Variants in INPP5F observed in about 807,000 individuals in gnomAD.
INPP5F encodes inositol polyphosphate-5-phosphatase F.
In INPP5F, 97 loss-of-function variants were observed where a neutral mutation model predicts 137.2. That is an observed-to-expected ratio of 0.71 (90% CI 0.60 to 0.84). INPP5F has a LOEUF of 0.84. INPP5F is among the 40% of genes least tolerant of loss of function. The pLI, the probability that INPP5F is intolerant of heterozygous loss-of-function variation, is 0.00. For missense variants in INPP5F, 1,271 were observed against 1,371.9 expected (o/e 0.93, Z 1.16); for synonymous variants, 504 against 476.9 (o/e 1.06, Z -0.74).
chr10:119,770,094 A>G (rs7077691), intron 2 of INPP5F, among the ~76,000 whole-genome samples: 3 of 152,128 alleles, frequency 2.0e-5, no homozygotes, highest in Admixed American at 1.3e-4. Flanking sequence ...AGCTTGCCCT[A>G]CTGGTCATGC....
Position 119,827,104 on chromosome 10 carries a change from T to G in INPP5F, c.2723T>G (p.Leu908Arg), listed in dbSNP as rs1240231466. 15 of 1,614,080 alleles carry G rather than the reference T, an allele frequency of 9.3e-6. No individual in the cohort carries two copies. The highest frequency in any genetic ancestry group is 1.1e-5 in the Non-Finnish European group (13 of 1,180,040). The part of the protein sequence containing the change: ...APRLGSRSQS[L>R]SSTDSSVHAP... Reference sequence around the variant, plus strand: ...CGATTGGGCAGTCGGTCCCAGTCTCTTAGCAGCACAGATAGTAGCGTTCAT... The same window carrying G: ...CGATTGGGCAGTCGGTCCCAGTCTCGTAGCAGCACAGATAGTAGCGTTCAT... Residue 908 changes from leucine to arginine, a missense_variant, in exon 20 of 20, where the codon CTT (leucine) becomes CGT (arginine). By Grantham distance (102) the Leu-to-Arg change is moderately radical. This residue lies in a region of INPP5F where 490 missense variants were observed against 443.7 expected (regional missense o/e 1.10). Transcript: ENST00000650623.
At chr10:119,777,909 G>C (rs1013304642) in intron 2 of INPP5F, among the ~76,000 whole-genome samples, 6 of 152,144 alleles carry the variant, frequency 3.9e-5, no homozygotes, top group African/African-American at 1.4e-4. Context: ...AACGCTTAAA[G>C]CATATCTCCA....
chr10:119,785,540 G>GAGAGAGAGAT (rs1849869858), intron 3 of INPP5F, among the ~76,000 whole-genome samples: 1 of 136,576 alleles, frequency 7.3e-6, no homozygotes, highest in Non-Finnish European at 1.5e-5. Context: ...CCGCTCGAGA[G>GAGAGAGAGAT]AGAGAGAGAG....
intron 2 of INPP5F, among the ~76,000 whole-genome samples, chr10:119,767,152 C>CA (rs1282845340): frequency 4.4e-5 from 5 of 113,530 alleles, no homozygotes; most frequent in Non-Finnish European, 9.1e-5. Context: ...GATTTTCAGG[C>CA]AAAAGGAAAA....
At chr10:119,737,740 A>C (rs2134106582) in intron 1 of INPP5F, among the ~76,000 whole-genome samples, 1 of 152,382 alleles carries the variant, frequency 6.6e-6, no homozygotes, top group Middle Eastern at 3.4e-3. Context: ...ATTAAAGCAT[A>C]AATGAGCTAA....
chr10:119,799,878 C>G (rs1002556697), intron 9 of INPP5F, among the ~76,000 whole-genome samples: 3 of 151,964 alleles, frequency 2.0e-5, no homozygotes, highest in African/African-American at 7.2e-5. Context: ...CTATTGTCTT[C>G]CCATGTTTTC....
In INPP5F at chr10:119,748,151, C is replaced by G. The variant is rs1443382889; in HGVS notation, c.98-2925C>G. 6.6e-6 allele frequency among the ~76,000 whole-genome samples: 1 copy of G among 152,246 alleles called. No homozygotes were observed. The highest frequency in any genetic ancestry group is 1.5e-5 in the Non-Finnish European group (1 of 68,044). ...GCGTGCACGGTCCAGACACTATGCACAGCCAGGTGTGCCAGCCGTGGCAGG... is the reference window on the plus strand; with the variant it reads ...GCGTGCACGGTCCAGACACTATGCAGAGCCAGGTGTGCCAGCCGTGGCAGG... On this transcript the variant is annotated intron_variant, in intron 1 of 19. Coordinates refer to ENST00000650623, the MANE Select transcript of INPP5F (RefSeq NM_014937.4). The surrounding 1 kb of genome is among the most constrained non-coding windows in gnomAD (Gnocchi z 4.7).
chr10:119,751,231 A>G (rs999363644), intron 2 of INPP5F, 75 bp downstream of exon 2: 6 of 904,074 alleles, frequency 6.6e-6, no homozygotes, highest in Non-Finnish European at 1.1e-5. Flanking sequence ...TTGAGGATAC[A>G]TGAGATTCTC....
intron 1 of INPP5F, among the ~76,000 whole-genome samples, chr10:119,740,838 G>C (rs1848353417): frequency 6.6e-6 from 1 of 152,164 alleles, no homozygotes; most frequent in African/African-American, 2.4e-5. Flanking sequence ...ACTGTGCCCG[G>C]CCCCATACTT....
chr10:119,823,529 T>C (rs1851643614), intron 18 of INPP5F, among the ~76,000 whole-genome samples: 1 of 152,242 alleles, frequency 6.6e-6, no homozygotes, highest in Non-Finnish European at 1.5e-5. Flanking sequence ...GTCTCATTCA[T>C]GGCTGTTGCC....
intron 1 of INPP5F, among the ~76,000 whole-genome samples, chr10:119,750,584 A>G (rs1297547727): frequency 1.3e-5 from 2 of 152,236 alleles, no homozygotes; most frequent in Non-Finnish European, 2.9e-5. Flanking sequence ...AACAGTTCCT[A>G]TTGTATTTGT....
rs548903267 is a variant in INPP5F, at chr10:119,795,004, G to T, written c.670-1711G>T. Among the ~76,000 whole-genome samples, 43 of 138,376 alleles carry T rather than the reference G, an allele frequency of 3.1e-4. 1 individual carries two copies. The highest frequency in any genetic ancestry group is 1.1e-3 in the African/African-American group (40 of 37,002). 90.8% of individuals were successfully genotyped at this position (138,376 alleles called of 152,430 possible). ...CAGAGGCGCCCCTCACTTCCCGGAT[G>T]GGGCGGCTGGCCGGGCGGGGGGCTG... On this transcript the variant is annotated intron_variant, in intron 6 of 19. Coordinates refer to ENST00000650623, the MANE Select transcript of INPP5F (RefSeq NM_014937.4).
Position 119,726,349 on chromosome 10 carries a change from G to A in INPP5F, c.87G>A (p.Gln29=), listed in dbSNP as rs1396133089. The change falls in exon 1 of 20, where the codon CAG becomes CAA. Residue 29 remains glutamine, a synonymous_variant. Transcript: ENST00000650623. ...GCAGCCGCCGCGACGGCGGCCTCCA[G>A]CTCCGACCCGGTGAGGCTGGCGGTG... ...LWCSRRDGGL[Q]LRPATDLLLA... 7.0e-7 allele frequency: 1 copy of A among 1,428,074 alleles called. No homozygotes were observed. The highest frequency in any genetic ancestry group is 2.6e-5 in the Admixed American group (1 of 39,020). The allele number at this position is 1,428,074 out of a possible 1,614,324, so 88.5% of individuals were successfully genotyped here. A position where few individuals can be genotyped will look rare whatever the true frequency, so the allele number is the denominator to read the frequency against.
intron 2 of INPP5F, among the ~76,000 whole-genome samples, chr10:119,755,619 C>T (rs1848817951): frequency 6.6e-6 from 1 of 152,102 alleles, no homozygotes; most frequent in African/African-American, 2.4e-5. Flanking sequence ...AAAAGAATTC[C>T]TTCTAGTCTG....
chr10:119,746,507 T>G (rs1258389452), intron 1 of INPP5F, among the ~76,000 whole-genome samples: 1 of 152,216 alleles, frequency 6.6e-6, no homozygotes, highest in Non-Finnish European at 1.5e-5. Context: ...GGCTCACTAT[T>G]TGGAAAGAAA....
rs1848678871 is a variant in INPP5F at position 119,751,098 on chromosome 10, G to A, written c.120G>A (p.Trp40Ter). ...LRPATDLLLAWNPICLGLVEG... is the reference protein window; with the variant it reads ...LRPATDLLLA ...TAGCTACTGATCTACTTCTTGCCTGGAATCCCATTTGTTTGGGGTTGGTAG... is the reference window on the plus strand; with the variant it reads ...TAGCTACTGATCTACTTCTTGCCTGAAATCCCATTTGTTTGGGGTTGGTAG... The change falls in exon 2 of 20, where the codon TGG becomes TGA. Residue 40 changes from tryptophan (W) to a stop codon, truncating the protein, a stop_gained. Coordinates refer to ENST00000650623, the MANE Select transcript of INPP5F (RefSeq NM_014937.4). LOFTEE classifies it high-confidence loss of function. 1 of 1,610,522 alleles carries A rather than the reference G, an allele frequency of 6.2e-7. No homozygotes were observed. Among genetic ancestry groups the A allele is most frequent in the Non-Finnish European group, 8.5e-7 (1 of 1,176,920 alleles).
intron 2 of INPP5F, among the ~76,000 whole-genome samples, chr10:119,779,884 T>C (rs935853480): frequency 9.9e-5 from 15 of 152,196 alleles, no homozygotes; most frequent in Admixed American, 4.6e-4. Context: ...CTTTTTACCC[T>C]TATTTAACTT....
intron 3 of INPP5F, among the ~76,000 whole-genome samples, chr10:119,785,289 T>TTTTTTTTTTTTTTG (rs1564828211): frequency 2.2e-5 from 3 of 138,166 alleles, no homozygotes; most frequent in African/African-American, 5.4e-5. Flanking sequence ...CCAGACTGTT[T>TTTTTTTTTTTTTTG]TTTTTTTTTT....
At chr10:119,765,790 G>GTA (rs1160730429) in intron 2 of INPP5F, among the ~76,000 whole-genome samples, 44 of 143,598 alleles carry the variant, frequency 3.1e-4, no homozygotes, top group East Asian at 8.0e-4. Flanking sequence ...TGTGTATAGT[G>GTA]TATATATATA....
Sources: gnomAD v4.1 joint callset for allele counts (sites outside exome capture counted in the v4.1 genomes callset) on GRCh38, gnomAD v4.1.1 for gene constraint, gnomAD v4.1.1 regional missense constraint, Gnocchi (gnomAD v3.1) non-coding constraint, MANE v1.5 for transcripts, NCBI Gene and HGNC (gene_info 2026-07-23, HGNC 2026-07-21) for gene names.